Variants in TANC2 observed in about 807,000 individuals in gnomAD.
TANC2 encodes tetratricopeptide repeat, ankyrin repeat and coiled-coil containing 2.
Under a neutral mutation model 210.5 loss-of-function variants are expected in TANC2, and 26 were observed. The observed-to-expected ratio is 0.12, with a 90% CI of 0.09 to 0.17. TANC2 has a LOEUF of 0.17. Ranked by LOEUF, TANC2 falls within the 10% of genes least tolerant of loss-of-function variation. TANC2 has a pLI of 1.00. For missense variants in TANC2, 2,129 were observed against 2,608.9 expected, an observed-to-expected ratio of 0.82 and a Z score of 4.01; for synonymous variants, 931 against 967.1, an observed-to-expected ratio of 0.96 and a Z score of 0.69.
chr17:63,377,110 C>A (rs1366764140), intron 14 of TANC2, among the ~76,000 whole-genome samples: 1 of 152,214 alleles, frequency 6.6e-6, no homozygotes, highest in Non-Finnish European at 1.5e-5. Flanking sequence ...TTGCACAAAG[C>A]AGCAAGGCCC....
chr17:63,060,981 G>T (rs1303042765), intron 2 of TANC2, among the ~76,000 whole-genome samples: 2 of 152,220 alleles, frequency 1.3e-5, no homozygotes, highest in Non-Finnish European at 2.9e-5. Flanking sequence ...GTGGAGGCAG[G>T]AGGTGGAGGC....
At chr17:63,026,328 T>A (rs1273726738) in intron 2 of TANC2, among the ~76,000 whole-genome samples, 1 of 152,350 alleles carries the variant, frequency 6.6e-6, no homozygotes, top group East Asian at 1.9e-4. Flanking sequence ...ACATAGCAAG[T>A]ACTTAGTAAT....
At chr17:63,130,513 CAAA>C (rs879278996) in intron 4 of TANC2, among the ~76,000 whole-genome samples, 1 of 111,100 alleles carries the variant, frequency 9.0e-6, no homozygotes, top group Non-Finnish European at 1.9e-5. Flanking sequence ...CTCCATCTCA[CAAA>C]AAAAAAAAAA....
chr17:63,058,692 T>C (rs1013508495), intron 2 of TANC2, among the ~76,000 whole-genome samples: 1 of 152,160 alleles, frequency 6.6e-6, no homozygotes, highest in African/African-American at 2.4e-5. Flanking sequence ...CTTTCCCCAT[T>C]GTTTGTTTTT....
intron 9 of TANC2, among the ~76,000 whole-genome samples, chr17:63,309,589 T>A (rs368396954): frequency 3.3e-5 from 5 of 152,326 alleles, no homozygotes; most frequent in African/African-American, 1.2e-4. Context: ...GTCTTTGGTT[T>A]AAGAAGATGT....
At chr17:63,149,299 A>C (rs947153416) in intron 4 of TANC2, 1 of 151,828 alleles carries the variant, frequency 6.6e-6, no homozygotes, top group African/African-American at 2.4e-5. Context: ...TTTCTGTATG[A>C]TCTCTAGAAC....
intron 17 of TANC2, 189 bp downstream of exon 17, chr17:63,389,733 A>G (rs1392606467): frequency 1.6e-6 from 1 of 632,736 alleles, no homozygotes; most frequent in Non-Finnish European, 2.7e-6. Flanking sequence ...AGGAGCACAC[A>G]GTTCTAAACC....
At chr17:63,247,061 G>A (rs983837189) in intron 8 of TANC2, among the ~76,000 whole-genome samples, 2 of 151,840 alleles carry the variant, frequency 1.3e-5, no homozygotes, top group African/African-American at 2.4e-5. Context: ...CTTATTTTGT[G>A]TATTGTTATC....
At chr17:63,427,651 C>T (rs1485530979) in exon 28 of TANC2, 1 of 152,262 alleles carries the variant, frequency 6.6e-6, no homozygotes, top group African/African-American at 2.4e-5. Context: ...GTACAAGGAA[C>T]TGTATGTATG....
intron 3 of TANC2, among the ~76,000 whole-genome samples, chr17:63,097,376 T>A (rs2037426281): frequency 6.6e-6 from 1 of 152,068 alleles, no homozygotes; most frequent in African/African-American, 2.4e-5. Context: ...ATTGTTTGTC[T>A]TTTTGTTGTT....
At chr17:63,129,582 C>A (rs911248693) in intron 4 of TANC2, among the ~76,000 whole-genome samples, 20 of 152,060 alleles carry the variant, frequency 1.3e-4, no homozygotes, top group Non-Finnish European at 1.5e-5. Context: ...CAAAAATTAG[C>A]TGGGTGTGGT....
intron 1 of TANC2, chr17:63,005,179 T>C (rs1377819980): frequency 6.6e-6 from 1 of 152,280 alleles, no homozygotes; most frequent in Admixed American, 6.5e-5. Flanking sequence ...CATTATCTCT[T>C]TGTTTCACCA....
At chr17:63,163,331 G>A (rs1441177032) in intron 5 of TANC2, among the ~76,000 whole-genome samples, 3 of 152,140 alleles carry the variant, frequency 2.0e-5, no homozygotes, top group Non-Finnish European at 4.4e-5. Flanking sequence ...TGAGATCACC[G>A]GAGGGGAGGA....
chr17:63,055,965 C>CAAAAAA (rs869063496), intron 2 of TANC2, among the ~76,000 whole-genome samples: 12 of 52,596 alleles, frequency 2.3e-4, no homozygotes, highest in African/African-American at 6.5e-4. Context: ...TCATCTCTAC[C>CAAAAAA]AAAAAAAAAA....
chr17:63,148,569 A>G (rs190124204), intron 4 of TANC2: 1 of 152,300 alleles, frequency 6.6e-6, no homozygotes, highest in East Asian at 1.9e-4. Flanking sequence ...TGAGGGCATA[A>G]GAATCGATGT....
chr17:63,116,149 A>G (rs1013140809), intron 4 of TANC2, among the ~76,000 whole-genome samples: 1 of 152,246 alleles, frequency 6.6e-6, no homozygotes, highest in African/African-American at 2.4e-5. Context: ...ATGGAAAAGT[A>G]ACACAGAGAT....
intron 11 of TANC2, among the ~76,000 whole-genome samples, chr17:63,328,461 A>G (rs1487019872): frequency 6.6e-6 from 1 of 151,950 alleles, no homozygotes. Flanking sequence ...CTTTAAAAAG[A>G]AGGAAATCCT....
intron 14 of TANC2, among the ~76,000 whole-genome samples, chr17:63,361,292 TACTCAGCTCAGCAGGCTGC>T (rs1398884960): frequency 6.6e-6 from 1 of 152,206 alleles, no homozygotes; most frequent in African/African-American, 2.4e-5. Flanking sequence ...TCGTTCTGCC[TACTCAGCTCAGCAGGCTGC>T]ACTCAGCTCG....
At chr17:63,409,343 A>G (rs2048616164) in intron 21 of TANC2, among the ~76,000 whole-genome samples, 1 of 151,710 alleles carries the variant, frequency 6.6e-6, no homozygotes, top group South Asian at 2.1e-4. Flanking sequence ...CACCACCACC[A>G]CACCTGGCTA....
Sources: allele counts gnomAD v4.1 joint callset (sites outside exome capture counted in the v4.1 genomes callset), GRCh38; gene constraint gnomAD v4.1.1; transcripts MANE v1.5; gene names NCBI Gene and HGNC (gene_info 2026-07-23, HGNC 2026-07-21).